The following CHD9 variants were observed in gnomAD, a reference collection of about 807,000 sequenced individuals.
The protein encoded by CHD9 is ATP-dependent chromatin remodeler CHD9.
CHD9 carries 77 observed loss-of-function variants against 316.1 expected under a neutral mutation model. The observed-to-expected ratio is 0.24, with a 90% CI of 0.20 to 0.29. The LOEUF (loss-of-function observed/expected upper bound fraction) is 0.29, where lower values mean the gene tolerates loss of function less well. Ranked by LOEUF, CHD9 falls within the 10% of genes least tolerant of loss-of-function variation. The pLI, the probability that CHD9 is intolerant of heterozygous loss-of-function variation, is 1.00. For synonymous variants in CHD9, 1,129 were observed against 1,158.3 expected (o/e 0.97, Z 0.51); for missense variants, 2,763 against 3,438.1 (o/e 0.80, Z 4.91).
intron 2 of CHD9, among the ~76,000 whole-genome samples, chr16:53,170,064 T>TG (rs1414521742): frequency 2.2e-5 from 3 of 138,910 alleles, no homozygotes; most frequent in East Asian, 2.0e-4. Context: ...TTTTTGTTTG[T>TG]TTTTTTTTGG....
chr16:53,254,598 T>C lies in CHD9; in HGVS notation c.4022T>C (p.Val1341Ala), dbSNP rs150434645. ...AGCATGAGTGGAAGAGAAAGTAATG[T>C]TGGTGGTGTATGTATAGTTTCTTTT... ...LQSMSGRESN[V>A]GGIQQLSKKE... is the part of the protein sequence containing the mutation. Residue 1341 changes from valine (V) to alanine (A), a missense_variant, in exon 18 of 39, where the codon GTT becomes GCT. This residue lies in a region of CHD9 where 199 missense variants were observed against 251.7 expected (regional missense o/e 0.79). Coordinates refer to ENST00000447540, the MANE Select transcript of CHD9 (RefSeq NM_001308319.2). The C allele has an allele frequency of 7.5e-6, 12 of 1,603,474 alleles. No individual in the cohort carries two copies. Among genetic ancestry groups the C allele is most frequent in the Admixed American group, 6.8e-5 (4 of 59,194 alleles).
intron 10 of CHD9, among the ~76,000 whole-genome samples, chr16:53,233,591 T>C (rs2048363214): frequency 6.6e-6 from 1 of 152,094 alleles, no homozygotes; most frequent in Non-Finnish European, 1.5e-5. Flanking sequence ...CAACTTGACC[T>C]TCTCCCCTTC....
chr16:53,208,478 G>A, intron 2 of CHD9: 3 of 1,156,444 alleles, frequency 2.6e-6, no homozygotes, highest in Non-Finnish European at 3.2e-6. Context: ...TGAGCTTGTT[G>A]CTGTTTCCTC....
chr16:53,188,758 C>T (rs140729876), intron 2 of CHD9, among the ~76,000 whole-genome samples: 3 of 151,612 alleles, frequency 2.0e-5, no homozygotes, highest in Non-Finnish European at 4.4e-5. Flanking sequence ...CCACGCCTGG[C>T]TAATTTTTTG....
chr16:53,272,856 A>G (rs1240292730), intron 22 of CHD9, among the ~76,000 whole-genome samples: 4 of 152,186 alleles, frequency 2.6e-5, no homozygotes, highest in Non-Finnish European at 1.5e-5. Context: ...TCAACTATGT[A>G]TTATTTCCTT....
chr16:53,313,778 G>A (rs969996378), intron 34 of CHD9, among the ~76,000 whole-genome samples: 17 of 151,750 alleles, frequency 1.1e-4, no homozygotes, highest in African/African-American at 1.7e-4. Context: ...CTGAAACCCC[G>A]TCTCTACTAA....
chr16:53,199,772 A>G (rs1034647872), intron 2 of CHD9, among the ~76,000 whole-genome samples: 1 of 152,284 alleles, frequency 6.6e-6, no homozygotes, highest in South Asian at 2.1e-4. Flanking sequence ...TGACCATTAA[A>G]CTATTCTTAC....
At chr16:53,299,604 AT>A in intron 30 of CHD9, 1 of 411,322 alleles carries the variant, frequency 2.4e-6, no homozygotes, top group South Asian at 2.0e-5. Context: ...GATTGGCTTC[AT>A]TGAAAACAAT....
chr16:53,140,709 T>C (rs897589034), intron 1 of CHD9, among the ~76,000 whole-genome samples: 3 of 152,160 alleles, frequency 2.0e-5, no homozygotes, highest in Non-Finnish European at 4.4e-5. Flanking sequence ...AACCTCAGCC[T>C]CCCAAGTAGC....
At chr16:53,267,607 A>G in intron 21 of CHD9, 117 bp downstream of exon 21, 1 of 737,808 alleles carries the variant, frequency 1.4e-6, no homozygotes, top group Non-Finnish European at 2.1e-6. Context: ...TTTACTTTTA[A>G]AGTACTCTAT....
intron 1 of CHD9, among the ~76,000 whole-genome samples, chr16:53,112,271 G>A (rs16952018): frequency 0.059 from 8,951 of 152,234 alleles, 757 homozygotes; most frequent in African/African-American, 0.18. Flanking sequence ...TAACTGATAA[G>A]AGGGCCCCTG....
At chr16:53,108,607 G>GCT (rs1234113241) in intron 1 of CHD9, among the ~76,000 whole-genome samples, 1 of 152,062 alleles carries the variant, frequency 6.6e-6, no homozygotes, top group Non-Finnish European at 1.5e-5. Context: ...GGGCGCGGTG[G>GCT]CTCACTCCTG....
Position 53,146,421 on chromosome 16 carries a change from A to G in CHD9, c.-164-9505A>G, listed in dbSNP as rs553417283. ...AAAAAAATTGTGTGTGTGTGTATGT[A>G]TATATATATATATATAATTAAAAAG... On this transcript the variant is annotated intron_variant, in intron 1 of 38. Coordinates refer to ENST00000447540, the MANE Select transcript of CHD9 (RefSeq NM_001308319.2). Among the ~76,000 whole-genome samples, 160 of 117,282 alleles carry G rather than the reference A, an allele frequency of 1.4e-3. 12 individuals carry two copies. The highest frequency in any genetic ancestry group is 5.1e-3 in the African/African-American group (137 of 27,000). 76.9% of individuals were successfully genotyped at this position (117,282 alleles called of 152,430 possible).
At position 53,274,297 on chromosome 16, in the gene CHD9, T is replaced by A; in HGVS notation, c.4962T>A (p.Asp1654Glu). Reference protein sequence around the residue: ...NECQKVFDGVDASDIDVWVPE... With the variant: ...NECQKVFDGVEASDIDVWVPE... ...GTCAGAAAGTATTTGATGGAGTTGA[T>A]GCAAGGTAAGTTAAACAATTTTTAT... Residue 1654 changes from aspartate to glutamate, a missense_variant, in exon 24 of 39, where the codon GAT (aspartate) becomes GAA (glutamate). Coordinates refer to ENST00000447540, the MANE Select transcript of CHD9 (RefSeq NM_001308319.2). 1.9e-6 allele frequency: 3 copies of A among 1,571,290 alleles called. No homozygotes were observed. The highest frequency in any genetic ancestry group is 2.6e-6 in the Non-Finnish European group (3 of 1,156,592).
intron 1 of CHD9, among the ~76,000 whole-genome samples, chr16:53,136,215 C>T (rs1273727779): frequency 2.6e-5 from 4 of 152,036 alleles, no homozygotes; most frequent in African/African-American, 9.7e-5. Context: ...TTGATTTTTA[C>T]TATATTTCAA....
At chr16:53,236,165 C>T (rs2048599554) in intron 11 of CHD9, among the ~76,000 whole-genome samples, 3 of 152,112 alleles carry the variant, frequency 2.0e-5, no homozygotes. Flanking sequence ...GTTGACAAAA[C>T]ATTTTTTTAA....
intron 36 of CHD9, among the ~76,000 whole-genome samples, chr16:53,316,975 G>T (rs1185223145): frequency 2.6e-5 from 4 of 152,106 alleles, no homozygotes; most frequent in African/African-American, 9.7e-5. Flanking sequence ...GAGGCGGGCA[G>T]ATCACCTGAG....
chr16:53,155,844 A>G, intron 1 of CHD9, 82 bp from the exon 2 acceptor site: 1 of 452,398 alleles, frequency 2.2e-6, no homozygotes, highest in Non-Finnish European at 3.9e-6. Context: ...TTCACTTAGC[A>G]TAATGTTTTC....
At chr16:53,134,591 T>C (rs2039582722) in intron 1 of CHD9, among the ~76,000 whole-genome samples, 1 of 152,218 alleles carries the variant, frequency 6.6e-6, no homozygotes, top group Non-Finnish European at 1.5e-5. Context: ...CATGAGATCT[T>C]AGTATAATTA....
Sources: allele counts gnomAD v4.1 joint callset (sites outside exome capture counted in the v4.1 genomes callset), GRCh38; gene constraint gnomAD v4.1.1; regional missense constraint gnomAD v4.1.1; transcripts MANE v1.5; gene names NCBI Gene and HGNC (gene_info 2026-07-23, HGNC 2026-07-21).